PDLIM3: variants seen among roughly 807,000 people sequenced by gnomAD.
PDLIM3 encodes the protein PDZ and LIM domain 3.
PDLIM3 carries 36 observed loss-of-function variants against 37.3 expected under a neutral mutation model. The ratio of observed to expected loss-of-function variants is 0.97; its 90% CI spans 0.74 to 1.28. The LOEUF is 1.28. Ranked by LOEUF, PDLIM3 falls within the 50% of genes most tolerant of loss-of-function variation. The probability of loss-of-function intolerance (pLI) is 0.00; values close to 1 mark genes in which losing one functional copy is unlikely to be tolerated. For missense variants in PDLIM3, 454 were observed against 485.0 expected, an observed-to-expected ratio of 0.94 and a Z score of 0.60; for synonymous variants, 174 against 182.4, an observed-to-expected ratio of 0.95 and a Z score of 0.37.
At chr4:185,502,748 T>G (rs897034290) in intron 7 of PDLIM3, among the ~76,000 whole-genome samples, 5 of 152,174 alleles carry the variant, frequency 3.3e-5, no homozygotes, top group Non-Finnish European at 7.4e-5. Context: ...TATAGAAAAT[T>G]TGTAGGATCC....
intron 4 of PDLIM3, chr4:185,512,364 A>G (rs2095707984): frequency 6.6e-6 from 1 of 152,210 alleles, no homozygotes; most frequent in Non-Finnish European, 1.5e-5. Flanking sequence ...TACAGGTGTG[A>G]GCCATCGCAC....
At chr4:185,511,159 C>G (rs2095705917) in intron 4 of PDLIM3, among the ~76,000 whole-genome samples, 1 of 152,218 alleles carries the variant, frequency 6.6e-6, no homozygotes, top group Non-Finnish European at 1.5e-5. Flanking sequence ...AAAAACCACT[C>G]ATAGGATTGC....
intron 4 of PDLIM3, among the ~76,000 whole-genome samples, chr4:185,511,223 C>T (rs1447830935): frequency 6.6e-6 from 1 of 152,148 alleles, no homozygotes; most frequent in African/African-American, 2.4e-5. Flanking sequence ...TGTAGCTTTA[C>T]CCTTAAAAAT....
chr4:185,526,696 T>A (rs1309823551), intron 1 of PDLIM3, among the ~76,000 whole-genome samples: 1 of 152,218 alleles, frequency 6.6e-6, no homozygotes, highest in Middle Eastern at 3.2e-3. Flanking sequence ...TCTTACATTA[T>A]TCCTGCTCTC....
At chr4:185,523,968 T>C (rs2095728101) in intron 2 of PDLIM3, among the ~76,000 whole-genome samples, 1 of 150,784 alleles carries the variant, frequency 6.6e-6, no homozygotes, top group African/African-American at 2.4e-5. Context: ...TAGATAAAAA[T>C]TGCCTGGAGT....
intron 7 of PDLIM3, among the ~76,000 whole-genome samples, chr4:185,503,098 C>G (rs1332801542): frequency 1.3e-5 from 2 of 152,104 alleles, no homozygotes; most frequent in African/African-American, 2.4e-5. Context: ...GGCGTGGGCA[C>G]CTGTAGTCCC....
At chr4:185,517,680 TAAA>T (rs199594467) in intron 3 of PDLIM3, 1 of 146,342 alleles carries the variant, frequency 6.8e-6, no homozygotes, top group African/African-American at 2.5e-5. Context: ...TGTAATTTGT[TAAA>T]AAAAAAAACC....
intron 6 of PDLIM3, among the ~76,000 whole-genome samples, chr4:185,505,959 C>CAAT (rs1215899356): frequency 6.6e-6 from 1 of 152,182 alleles, no homozygotes; most frequent in Non-Finnish European, 1.5e-5. Context: ...CTGAAGATGA[C>CAAT]GGGAGTGGGC....
Position 185,514,028 on chromosome 4 carries a change from A to G in PDLIM3, c.398+242T>C. On this transcript the variant is annotated intron_variant, in intron 4 of 7. Transcript: ENST00000284767. The surrounding 1 kb of genome is among the most constrained non-coding windows in gnomAD (Gnocchi z 4.0). ...CCAGAGCCTCAGGGGTGTTCGCTAT[A>G]AATACACGTGGTGATTGCATACAAT... 1 of 1,390,364 alleles carries G rather than the reference A, an allele frequency of 7.2e-7. No homozygotes were observed. Among genetic ancestry groups the G allele is most frequent in the South Asian group, 1.5e-5 (1 of 67,430 alleles). The allele number at this position is 1,390,364 out of a possible 1,614,324, so 86.1% of individuals were successfully genotyped here. A position where few individuals can be genotyped will look rare whatever the true frequency, so the allele number is the denominator to read the frequency against.
Position 185,525,157 on chromosome 4 carries a change from G to A in PDLIM3, c.108C>T (p.Ser36=). Residue 36 remains serine, a synonymous_variant, in exon 2 of 8, where the codon AGC becomes AGT. Transcript: ENST00000284767. The stretch of plus-strand genomic sequence containing the variant: ...GACACAGGTTGGCAGCTGCCGCCTT[G>A]CTTCCTGGTGTAATCTGGAAGAAAT... The part of the protein sequence containing the change: ...PLVITRITPG[S]KAAAANLCPG... The A allele has an allele frequency of 6.2e-7, 1 of 1,614,166 alleles. No homozygotes were observed. The highest frequency in any genetic ancestry group is 8.5e-7 in the Non-Finnish European group (1 of 1,180,010).
chr4:185,508,481 G>C lies in PDLIM3; in HGVS notation c.480C>G (p.Cys160Trp). The change falls in exon 5 of 8, where the codon TGC becomes TGG. Residue 160 changes from cysteine to tryptophan, a missense_variant. Cys to Trp is a radical substitution (Grantham distance 215, BLOSUM62 -2). Transcript: ENST00000284767. ...PSSVSTVSTI[C>W]PGDLKVAAKL... ...TAGCCGCAACTTTCAAGTCACCTGG[G>C]CAAATGGTACTAACAGTACTGACAG... The C allele has an allele frequency of 6.2e-7, 1 of 1,614,150 alleles. No individual in the cohort carries two copies. The highest frequency in any genetic ancestry group is 8.5e-7 in the Non-Finnish European group (1 of 1,180,002).
intron 1 of PDLIM3, among the ~76,000 whole-genome samples, chr4:185,525,666 A>G (rs2095732598): frequency 1.3e-5 from 2 of 152,154 alleles, no homozygotes; most frequent in Non-Finnish European, 2.9e-5. Flanking sequence ...AATCCTAACC[A>G]CAATGTGATG....
rs79677980 is a variant in PDLIM3 at position 185,502,603 on chromosome 4, C to T, written c.906-120G>A. 6.1e-4 allele frequency: 553 copies of T among 900,656 alleles called. 3 individuals carry two copies. The African/African-American group carries it at 8.0e-3, about 13-fold the overall frequency. The allele number at this position is 900,656 out of a possible 1,614,324, so 55.8% of individuals were successfully genotyped here. On this transcript the variant is annotated intron_variant, in intron 7 of 7. Transcript: ENST00000284767. ...TTTCACAGTCAGGAAACAATGGCCTCCAGCTGTGAAAGCAGGCACAGCCGT... is the reference window on the plus strand; with the variant it reads ...TTTCACAGTCAGGAAACAATGGCCTTCAGCTGTGAAAGCAGGCACAGCCGT...
At chr4:185,512,832 G>A in intron 4 of PDLIM3, 1 of 984,838 alleles carries the variant, frequency 1.0e-6, no homozygotes, top group Non-Finnish European at 1.2e-6. Context: ...TTGTTATTGG[G>A]GTTGGGTTGG....
Position 185,518,054 on chromosome 4 carries a change from T to C in PDLIM3, c.331-3717A>G, listed in dbSNP as rs140401648. Among the ~76,000 whole-genome samples the C allele has an allele frequency of 2.5e-3, 385 of 152,352 alleles. 4 individuals carry two copies. Among genetic ancestry groups the C allele is most frequent in the Non-Finnish European group, 6.5e-4 (44 of 68,030 alleles). ...TAATATAGTCCAGCTCTTGTGTTTA[T>C]TCTATCTAGAAAAAACCACCCAAAT... On this transcript the variant is annotated intron_variant, in intron 3 of 7. Transcript: ENST00000284767.
intron 1 of PDLIM3, among the ~76,000 whole-genome samples, chr4:185,533,775 GATTA>G (rs1295712084): frequency 6.6e-6 from 1 of 152,026 alleles, no homozygotes; most frequent in Non-Finnish European, 1.5e-5. Context: ...TCAAGCATAT[GATTA>G]ATTATATTGA....
At chr4:185,517,347 CTTTTTTTTTT>C (rs11419562) in intron 3 of PDLIM3, 10 of 48,806 alleles carry the variant, frequency 2.0e-4, no homozygotes, top group Non-Finnish European at 3.3e-4. Context: ...TGGAGCTTAG[CTTTTTTTTTT>C]TTTTTTTTTT....
rs760138282 is a variant in PDLIM3 at position 185,535,471 on chromosome 4, C to T, written c.-37G>A. 3.9e-6 allele frequency: 6 copies of T among 1,523,358 alleles called. No homozygotes were observed. The highest frequency in any genetic ancestry group is 5.3e-6 in the Non-Finnish European group (6 of 1,126,588). The allele number at this position is 1,523,358 out of a possible 1,614,324, so 94.4% of individuals were successfully genotyped here. ...CCCGCCCACCGGGCTCTAAGTGTCCCCGCGCAGGGCAGCCACTCCGCGCCG... is the reference window on the plus strand; with the variant it reads ...CCCGCCCACCGGGCTCTAAGTGTCCTCGCGCAGGGCAGCCACTCCGCGCCG... On this transcript the variant is annotated 5_prime_UTR_variant, in exon 1 of 8. Coordinates refer to ENST00000284767, the MANE Select transcript of PDLIM3 (RefSeq NM_014476.6).
chr4:185,522,949 C>T (rs3811825), intron 3 of PDLIM3, among the ~76,000 whole-genome samples: 24,395 of 151,946 alleles, frequency 0.16, 2,558 homozygotes, highest in South Asian at 0.32. Flanking sequence ...GTGAAGACCT[C>T]GAAGGACTGA....
Sources: gnomAD v4.1 joint callset for allele counts (sites outside exome capture counted in the v4.1 genomes callset) on GRCh38, gnomAD v4.1.1 for gene constraint, Gnocchi (gnomAD v3.1) non-coding constraint, MANE v1.5 for transcripts, NCBI Gene and HGNC (gene_info 2026-07-23, HGNC 2026-07-21) for gene names.